The following MACROD2 variants were observed in gnomAD, a reference collection of about 807,000 sequenced individuals.
The protein encoded by MACROD2 is ADP-ribose glycohydrolase MACROD2.
MACROD2 carries 36 observed loss-of-function variants against 70.4 expected under a neutral mutation model. That is an observed-to-expected ratio of 0.51 (90% CI 0.39 to 0.68). MACROD2 has a LOEUF of 0.68. Among genes scored for constraint, MACROD2 ranks in the 30% least tolerant of loss-of-function variants. The probability of loss-of-function intolerance (pLI) is 0.00; values close to 1 mark genes in which losing one functional copy is unlikely to be tolerated. For missense variants in MACROD2, 496 were observed against 538.4 expected, an observed-to-expected ratio of 0.92 and a Z score of 0.78; for synonymous variants, 172 against 178.8, an observed-to-expected ratio of 0.96 and a Z score of 0.30.
At chr20:14,957,696 GTCTCTA>G (rs2074549185) in intron 5 of MACROD2, among the ~76,000 whole-genome samples, 1 of 152,166 alleles carries the variant, frequency 6.6e-6, no homozygotes, top group African/African-American at 2.4e-5. Flanking sequence ...GATTTGCCAT[GTCTCTA>G]CTGTGGGACA....
chr20:14,424,410 A>C lies in MACROD2; in HGVS notation c.272-69069A>C, dbSNP rs942487896. 2.0e-5 allele frequency among the ~76,000 whole-genome samples: 3 copies of C among 152,214 alleles called. No homozygotes were observed. The East Asian group carries it at 5.8e-4, about 29-fold the overall frequency. ...CCACTACAATTACAACTACAATACC[A>C]CTGATACCACTGATAATTTGCTTCT... On this transcript the variant is annotated intron_variant, in intron 3 of 17. Transcript: ENST00000684519.
At chr20:14,748,776 G>A (rs1384432851) in intron 5 of MACROD2, among the ~76,000 whole-genome samples, 1 of 152,008 alleles carries the variant, frequency 6.6e-6, no homozygotes, top group Non-Finnish European at 1.5e-5. Context: ...GCTGCCCTTG[G>A]CTTGCTGCAT....
At chr20:15,881,319 A>G (rs954553639) in intron 9 of MACROD2, among the ~76,000 whole-genome samples, 2 of 152,028 alleles carry the variant, frequency 1.3e-5, no homozygotes, top group African/African-American at 2.4e-5. Flanking sequence ...CAGTCTCCCA[A>G]AAAGCTTGGA....
intron 3 of MACROD2, among the ~76,000 whole-genome samples, chr20:14,213,361 CAAAAAAAAAA>C (rs60009822): frequency 3.3e-5 from 1 of 30,262 alleles, no homozygotes; most frequent in Non-Finnish European, 5.4e-5. Flanking sequence ...CTTCTAGTGG[CAAAAAAAAAA>C]AAAAAAAAAA....
chr20:15,752,376 A>G (rs1292925459), intron 8 of MACROD2, among the ~76,000 whole-genome samples: 3 of 152,126 alleles, frequency 2.0e-5, no homozygotes, highest in African/African-American at 7.2e-5. Context: ...CCCATAATCA[A>G]TTAGAGATAA....
At chr20:16,048,037 G>A (rs553132983) in intron 17 of MACROD2, among the ~76,000 whole-genome samples, 7 of 152,310 alleles carry the variant, frequency 4.6e-5, no homozygotes, top group African/African-American at 1.4e-4. Flanking sequence ...GTGATCCAAA[G>A]TCATGCAGTA....
chr20:14,024,104 G>A (rs1376745587), intron 2 of MACROD2, among the ~76,000 whole-genome samples: 3 of 152,172 alleles, frequency 2.0e-5, no homozygotes, highest in Non-Finnish European at 4.4e-5. Context: ...TTTCCCTGAA[G>A]AGGTCCTTCA....
chr20:15,126,977 AT>A (rs2076071579), intron 5 of MACROD2, among the ~76,000 whole-genome samples: 1 of 152,084 alleles, frequency 6.6e-6, no homozygotes, highest in Non-Finnish European at 1.5e-5. Context: ...AGCAGACCAA[AT>A]TTTTTTAGTT....
chr20:14,850,565 C>T (rs2073189267), intron 5 of MACROD2: 1 of 152,198 alleles, frequency 6.6e-6, no homozygotes, highest in Non-Finnish European at 1.5e-5. Context: ...CATTTAGGAG[C>T]TGTTTAGTCC....
intron 5 of MACROD2, among the ~76,000 whole-genome samples, chr20:15,147,126 G>C (rs1165062723): frequency 6.6e-6 from 1 of 152,114 alleles, no homozygotes; most frequent in African/African-American, 2.4e-5. Flanking sequence ...GTAGAAAAAA[G>C]TGAGCCTTAC....
rs146010269 is a variant in MACROD2, at chr20:15,614,081, A to C, written c.645+114234A>C. On this transcript the variant is annotated intron_variant, in intron 8 of 17. Coordinates refer to ENST00000684519, the MANE Select transcript of MACROD2 (RefSeq NM_001351661.2). ...TGCTGCTTTTCAGTTGTCCGCAGGA[A>C]AACCAGTGTAAGTCAGTTCATTCCT... 9.6e-3 allele frequency among the ~76,000 whole-genome samples: 1,460 copies of C among 152,304 alleles called. 17 individuals are homozygous for C. Among genetic ancestry groups the C allele is most frequent in the East Asian group, 0.043 (223 of 5,184 alleles).
chr20:14,855,688 G>A (rs1307580527), intron 5 of MACROD2, among the ~76,000 whole-genome samples: 1 of 131,586 alleles, frequency 7.6e-6, no homozygotes, highest in Non-Finnish European at 1.6e-5. Flanking sequence ...CTTATTGTAA[G>A]ACTATTACGT....
At chr20:14,675,916 C>T (rs1054944572) in intron 4 of MACROD2, among the ~76,000 whole-genome samples, 10 of 151,992 alleles carry the variant, frequency 6.6e-5, no homozygotes, top group Admixed American at 6.6e-5. Context: ...TCTGATAAAG[C>T]AGACTTTAAA....
intron 8 of MACROD2, among the ~76,000 whole-genome samples, chr20:15,752,952 A>G (rs934534494): frequency 1.3e-5 from 2 of 152,116 alleles, no homozygotes; most frequent in African/African-American, 4.8e-5. Flanking sequence ...GTGTTTGTAT[A>G]TGTGTGTATA....
At chr20:15,940,997 C>T (rs180708460) in intron 12 of MACROD2, among the ~76,000 whole-genome samples, 2 of 152,240 alleles carry the variant, frequency 1.3e-5, no homozygotes, top group East Asian at 3.9e-4. Context: ...TGGGATTTTT[C>T]CTGTTGAGTT....
intron 8 of MACROD2, among the ~76,000 whole-genome samples, chr20:15,785,564 G>C (rs2051911174): frequency 6.6e-6 from 1 of 152,170 alleles, no homozygotes; most frequent in Non-Finnish European, 1.5e-5. Flanking sequence ...TTATGCAGCA[G>C]AGTTATTTTC....
chr20:15,546,297 A>G (rs1420225365), intron 8 of MACROD2, among the ~76,000 whole-genome samples: 1 of 152,178 alleles, frequency 6.6e-6, no homozygotes, highest in Non-Finnish European at 1.5e-5. Context: ...CACTTCTTGA[A>G]CGTCTGCAGA....
intron 3 of MACROD2, among the ~76,000 whole-genome samples, chr20:14,152,882 C>T (rs1190589513): frequency 6.6e-5 from 10 of 152,156 alleles, no homozygotes; most frequent in Admixed American, 2.0e-4. Flanking sequence ...TTTTACCTAT[C>T]GTTAAGCAGT....
chr20:14,278,097 A>G (rs946718333), intron 3 of MACROD2, among the ~76,000 whole-genome samples: 2 of 152,256 alleles, frequency 1.3e-5, no homozygotes, highest in African/African-American at 4.8e-5. Flanking sequence ...GAATTAGTGT[A>G]TAAGCAAATG....
Sources: allele counts gnomAD v4.1 joint callset (sites outside exome capture counted in the v4.1 genomes callset), GRCh38; gene constraint gnomAD v4.1.1; transcripts MANE v1.5; gene names NCBI Gene and HGNC (gene_info 2026-07-23, HGNC 2026-07-21).